The following ARHGAP42 variants were observed in gnomAD, a reference collection of about 807,000 sequenced individuals.
ARHGAP42 encodes the protein Rho GTPase activating protein 42, also known as rho GTPase-activating protein 42.
Under a neutral mutation model 125.0 loss-of-function variants are expected in ARHGAP42, and 63 were observed. The ratio of observed to expected loss-of-function variants is 0.50; its 90% CI spans 0.41 to 0.62. The LOEUF (loss-of-function observed/expected upper bound fraction) is 0.62, where lower values mean the gene tolerates loss of function less well. Ranked by LOEUF, ARHGAP42 falls within the 20% of genes least tolerant of loss-of-function variation. The pLI, the probability that ARHGAP42 is intolerant of heterozygous loss-of-function variation, is 0.00. For missense variants in ARHGAP42, 766 were observed against 1,024.2 expected (o/e 0.75, Z 3.44); for synonymous variants, 339 against 351.0 (o/e 0.97, Z 0.38).
Position 100,903,115 on chromosome 11 carries a change from G to GCA in ARHGAP42, c.385-10336_385-10335insAC, listed in dbSNP as rs1480178280. Among the ~76,000 whole-genome samples the GCA allele has an allele frequency of 0.013, 177 of 13,718 alleles. 9 individuals carry two copies. The South Asian group carries it at 0.29, about 23-fold the overall frequency. The allele number at this position is 13,718 out of a possible 152,430, so 9.0% of individuals were successfully genotyped here. On this transcript the variant is annotated intron_variant, in intron 4 of 23. Transcript: ENST00000298815. ...ATTCCTCAATCTTGCTGTCCAAGAT[G>GCA]CGCACACACACACACACACACACAC...
chr11:100,755,968 A>G (rs566960832), intron 1 of ARHGAP42, among the ~76,000 whole-genome samples: 1 of 152,296 alleles, frequency 6.6e-6, no homozygotes, highest in Non-Finnish European at 1.5e-5. Flanking sequence ...CATGCTCTAT[A>G]TAATGTCATT....
chr11:100,981,531 G>T (rs1304436508), intron 22 of ARHGAP42, among the ~76,000 whole-genome samples: 7 of 152,160 alleles, frequency 4.6e-5, no homozygotes. Context: ...CCATATTTTG[G>T]AAAGAGACCA....
chr11:100,796,664 A>G (rs1018432363), intron 3 of ARHGAP42, among the ~76,000 whole-genome samples: 5 of 152,064 alleles, frequency 3.3e-5, no homozygotes, highest in Admixed American at 6.6e-5. Flanking sequence ...AAACAGCACT[A>G]TTACTAATAT....
At chr11:100,889,323 T>C (rs537779393) in intron 4 of ARHGAP42, among the ~76,000 whole-genome samples, 7 of 152,306 alleles carry the variant, frequency 4.6e-5, no homozygotes, top group Non-Finnish European at 1.0e-4. Context: ...TCCTCATGAA[T>C]GGATTAATGC....
chr11:100,988,745 G>C lies in ARHGAP42; in HGVS notation c.2569G>C (p.Ala857Pro). 1 of 1,550,310 alleles carries C rather than the reference G, an allele frequency of 6.5e-7. No individual in the cohort carries two copies. The highest frequency in any genetic ancestry group is 8.7e-7 in the Non-Finnish European group (1 of 1,146,110). ...ATCAGTGGAACCAGGATGGTTAAAG[G>C]CAACTTATGAAGGCAAAACAGGACT... is the stretch of plus-strand genomic sequence containing the variant. Reference protein sequence around the residue: ...YPSVEPGWLKATYEGKTGLVP... With the variant: ...YPSVEPGWLKPTYEGKTGLVP... Residue 857 changes from alanine (A) to proline (P), a missense_variant, in exon 24 of 24, where the codon GCA (alanine) becomes CCA (proline). This residue lies in a region of ARHGAP42 where 308 missense variants were observed against 369.7 expected (regional missense o/e 0.83). Transcript: ENST00000298815.
intron 10 of ARHGAP42, among the ~76,000 whole-genome samples, chr11:100,946,786 A>G (rs1221667393): frequency 6.6e-6 from 1 of 152,060 alleles, no homozygotes; most frequent in African/African-American, 2.4e-5. Flanking sequence ...AATTCCAAAT[A>G]TTGCAAGAAT....
intron 1 of ARHGAP42, among the ~76,000 whole-genome samples, chr11:100,741,933 T>C (rs1194040789): frequency 6.6e-6 from 1 of 152,208 alleles, no homozygotes; most frequent in Admixed American, 6.5e-5. Context: ...TGCTTTAACC[T>C]GAGACTCCAA....
intron 12 of ARHGAP42, among the ~76,000 whole-genome samples, chr11:100,957,399 A>G (rs751073904): frequency 5.9e-5 from 9 of 152,034 alleles, no homozygotes; most frequent in Non-Finnish European, 8.8e-5. Flanking sequence ...TAACTTAGGT[A>G]TTGTTACTTC....
intron 4 of ARHGAP42, among the ~76,000 whole-genome samples, chr11:100,878,374 G>A (rs1473819582): frequency 2.6e-5 from 4 of 151,998 alleles, no homozygotes. Flanking sequence ...ATACGATTTG[G>A]CTGGTCCTCT....
intron 3 of ARHGAP42, among the ~76,000 whole-genome samples, chr11:100,807,048 G>A (rs1260695169): frequency 7.2e-5 from 11 of 152,094 alleles, no homozygotes; most frequent in South Asian, 2.1e-4. Flanking sequence ...GGGTTTCACC[G>A]TGTTGGCCAG....
chr11:100,887,178 GA>G (rs1866111341), intron 4 of ARHGAP42, among the ~76,000 whole-genome samples: 1 of 152,140 alleles, frequency 6.6e-6, no homozygotes, highest in Non-Finnish European at 1.5e-5. Flanking sequence ...CCAGTACTCA[GA>G]AAATACTAAG....
chr11:100,774,027 T>C (rs1228903974), intron 2 of ARHGAP42, among the ~76,000 whole-genome samples: 1 of 152,248 alleles, frequency 6.6e-6, no homozygotes, highest in Non-Finnish European at 1.5e-5. Flanking sequence ...AAAATATTTC[T>C]GGAACAACTC....
At position 100,949,939 on chromosome 11, in the gene ARHGAP42, T is replaced by A; in HGVS notation, c.1145T>A (p.Ile382Lys). Reference sequence around the variant, plus strand: ...TAGATTTATACTCTGCCTGCCATTATAAGCAAGAAAGAAGAAAGTAAGTCA... The same window carrying A: ...TAGATTTATACTCTGCCTGCCATTAAAAGCAAGAAAGAAGAAAGTAAGTCA... ...KEPIYTLPAI[I>K]SKKEEMYLNE... The change falls in exon 12 of 24, where the codon ATA becomes AAA. Residue 382 changes from isoleucine (I) to lysine (K), a missense_variant. By Grantham distance (102) the Ile-to-Lys change is moderately radical (BLOSUM62 -3). Around this residue, in one of 3 missense-constraint regions of ARHGAP42, gnomAD observed 455 missense variants for 636.5 expected, o/e 0.71. Transcript: ENST00000298815. 1.4e-6 allele frequency: 2 copies of A among 1,477,894 alleles called. No individual in the cohort carries two copies. Among genetic ancestry groups the A allele is most frequent in the African/African-American group, 2.8e-5 (2 of 71,782 alleles). The allele number at this position is 1,477,894 out of a possible 1,614,324, so 91.5% of individuals were successfully genotyped here.
At chr11:100,934,285 G>T (rs1867669546) in intron 7 of ARHGAP42, among the ~76,000 whole-genome samples, 1 of 151,974 alleles carries the variant, frequency 6.6e-6, no homozygotes, top group South Asian at 2.1e-4. Flanking sequence ...TCCTTTTGTA[G>T]TTCATGGGCA....
intron 22 of ARHGAP42, 124 bp downstream of exon 22, chr11:100,979,173 C>A (rs1346007824): frequency 1.5e-5 from 13 of 882,136 alleles, no homozygotes; most frequent in Admixed American, 1.4e-4. Context: ...TTTAAGTCCA[C>A]TGGCCCTTCA....
In ARHGAP42 at chr11:100,687,747, G is replaced by A; in HGVS notation, c.69G>A (p.Gln23=). 6.4e-7 allele frequency: 1 copy of A among 1,550,840 alleles called. No homozygotes were observed. Among genetic ancestry groups the A allele is most frequent in the Non-Finnish European group, 8.7e-7 (1 of 1,146,772 alleles). The change falls in exon 1 of 24, where the codon CAG becomes CAA. Residue 23 remains glutamine (Q), a synonymous_variant. Transcript: ENST00000298815. ...GCCCAGATTTCAGGGAGCGCTTGCA[G>A]TGTCACGAGATTGAGCTGGAGCGAA... ...LDSPDFRERL[Q]CHEIELERTN... is the part of the protein sequence containing the mutation.
At chr11:100,802,424 CTTTT>C (rs777832011) in intron 3 of ARHGAP42, among the ~76,000 whole-genome samples, 3 of 123,910 alleles carry the variant, frequency 2.4e-5, no homozygotes, top group African/African-American at 3.1e-5. Flanking sequence ...TCCTTTCTTT[CTTTT>C]TTTTTTTTTT....
In ARHGAP42 at chr11:100,988,911, A is replaced by C. The variant is rs1473215883; in HGVS notation, c.*110A>C. On this transcript the variant is annotated 3_prime_UTR_variant, in exon 24 of 24. Coordinates refer to ENST00000298815, the MANE Select transcript of ARHGAP42 (RefSeq NM_152432.4). ...ATCAGCCCACTAAGTGAAAACAGTC[A>C]ATTTCTATCAAGTTCTTCACCAGCA... 1 of 707,862 alleles carries C rather than the reference A, an allele frequency of 1.4e-6. No individual in the cohort carries two copies. The highest frequency in any genetic ancestry group is 2.3e-6 in the Non-Finnish European group (1 of 440,698). 43.8% of individuals were successfully genotyped at this position (707,862 alleles called of 1,614,324 possible). A position where few individuals can be genotyped will look rare whatever the true frequency, so the allele number is the denominator to read the frequency against.
At chr11:100,805,793 G>A (rs1404645987) in intron 3 of ARHGAP42, among the ~76,000 whole-genome samples, 2 of 152,088 alleles carry the variant, frequency 1.3e-5, no homozygotes, top group Non-Finnish European at 2.9e-5. Flanking sequence ...TGGTGCTGGT[G>A]GGAGTGCCTT....
Sources: allele counts gnomAD v4.1 joint callset (sites outside exome capture counted in the v4.1 genomes callset), GRCh38; gene constraint gnomAD v4.1.1; regional missense constraint gnomAD v4.1.1; transcripts MANE v1.5; gene names NCBI Gene and HGNC (gene_info 2026-07-23, HGNC 2026-07-21).